The following SDHAF4 variants were observed in gnomAD, a reference collection of about 807,000 sequenced individuals.
SDHAF4 encodes succinate dehydrogenase assembly factor 4, mitochondrial.
Under a neutral mutation model 14.3 loss-of-function variants are expected in SDHAF4, and 14 were observed. That is an observed-to-expected ratio of 0.98 (90% CI 0.65 to 1.53). SDHAF4 has a LOEUF of 1.53. Among genes scored for constraint, SDHAF4 ranks in the 40% most tolerant of loss-of-function variants. SDHAF4 has a pLI of 0.00. For missense variants in SDHAF4, 141 were observed against 129.3 expected, an observed-to-expected ratio of 1.09 and a Z score of -0.44; for synonymous variants, 63 against 47.3, an observed-to-expected ratio of 1.33 and a Z score of -1.36.
chr6:70,571,711 G>C (rs903771650), intron 1 of SDHAF4, among the ~76,000 whole-genome samples: 5 of 152,132 alleles, frequency 3.3e-5, no homozygotes, highest in African/African-American at 9.7e-5. Flanking sequence ...TTTAAGATTG[G>C]AATTATTTGT....
chr6:70,582,579 C>T (rs144913313), intron 2 of SDHAF4, among the ~76,000 whole-genome samples: 227 of 152,256 alleles, frequency 1.5e-3, no homozygotes, highest in African/African-American at 5.0e-3. Flanking sequence ...TGCCTGATCT[C>T]ATATCCTCCT....
chr6:70,573,972 A>G (rs553745103), intron 1 of SDHAF4, among the ~76,000 whole-genome samples: 14 of 152,030 alleles, frequency 9.2e-5, no homozygotes, highest in African/African-American at 2.7e-4. Context: ...CACTGTGCCC[A>G]GCCTAAAAAA....
At chr6:70,598,411 C>A in the SDHAF4 span, among the ~76,000 whole-genome samples, 1 of 152,060 alleles carries the variant, frequency 6.6e-6, no homozygotes, top group Non-Finnish European at 1.5e-5. Flanking sequence ...AATAAAATAT[C>A]TTTTATTTGT....
chr6:70,579,874 A>G (rs1802299203), intron 2 of SDHAF4, among the ~76,000 whole-genome samples: 1 of 117,134 alleles, frequency 8.5e-6, no homozygotes, highest in South Asian at 2.7e-4. Context: ...TTTGTATCAA[A>G]GAAGGTTATG....
the SDHAF4 span, among the ~76,000 whole-genome samples, chr6:70,596,084 C>G: frequency 6.6e-6 from 1 of 152,088 alleles, no homozygotes. Context: ...GACATGAAAA[C>G]ACTTGTGGTC....
intron 1 of SDHAF4, among the ~76,000 whole-genome samples, chr6:70,570,532 A>G (rs1035297742): frequency 2.6e-5 from 4 of 152,084 alleles, no homozygotes; most frequent in Non-Finnish European, 5.9e-5. Flanking sequence ...CATGTTAGCC[A>G]AGTGATCCTT....
intron 2 of SDHAF4, among the ~76,000 whole-genome samples, chr6:70,585,831 T>TA (rs33997647): frequency 6.6e-6 from 1 of 151,828 alleles, no homozygotes; most frequent in African/African-American, 2.4e-5. Flanking sequence ...TTCTTTTGCC[T>TA]GAGGGGCTTT....
intron 1 of SDHAF4, among the ~76,000 whole-genome samples, chr6:70,568,704 G>A (rs1036575616): frequency 1.3e-5 from 2 of 152,066 alleles, no homozygotes; most frequent in Non-Finnish European, 1.5e-5. Flanking sequence ...TATGTTATAG[G>A]TCTTTTCATT....
At chr6:70,567,924 A>G (rs1802123565) in intron 1 of SDHAF4, among the ~76,000 whole-genome samples, 1 of 152,112 alleles carries the variant, frequency 6.6e-6, no homozygotes, top group African/African-American at 2.4e-5. Flanking sequence ...TGACCTTGTG[A>G]TCCGCTCGCC....
downstream of SDHAF4, among the ~76,000 whole-genome samples, chr6:70,589,781 A>G (rs1316105119): frequency 6.6e-6 from 1 of 152,132 alleles, no homozygotes; most frequent in Non-Finnish European, 1.5e-5. Flanking sequence ...CTGTGCTTCA[A>G]TATCCTTATG....
At chr6:70,579,127 G>GT (rs1344708731) in intron 1 of SDHAF4, among the ~76,000 whole-genome samples, 1 of 152,124 alleles carries the variant, frequency 6.6e-6, no homozygotes, top group African/African-American at 2.4e-5. Context: ...TGAACTCCTG[G>GT]TTTTTTGGCA....
intron 2 of SDHAF4, among the ~76,000 whole-genome samples, chr6:70,584,720 T>A (rs1765177442): frequency 6.6e-6 from 1 of 152,086 alleles, no homozygotes; most frequent in Non-Finnish European, 1.5e-5. Context: ...AGAAGAGTGC[T>A]CAAAAGAGTG....
Position 70,573,626 on chromosome 6 carries a change from C to CT in SDHAF4, c.65-5780dup, listed in dbSNP as rs772016078. On this transcript the variant is annotated intron_variant, in intron 1 of 2. Coordinates refer to ENST00000370474, the MANE Select transcript of SDHAF4 (RefSeq NM_145267.3). ...TTTCTGAATTTCCGTGTTTTTCTTTCTTTTTTTTGGCCTAATTTTTCTTTT... is the reference window on the plus strand; with the variant it reads ...TTTCTGAATTTCCGTGTTTTTCTTTCTTTTTTTTTGGCCTAATTTTTCTTTT... Among the ~76,000 whole-genome samples the CT allele has an allele frequency of 4.0e-4, 60 of 150,336 alleles. 1 individual carries two copies. Among genetic ancestry groups the CT allele is most frequent in the South Asian group, 2.8e-3 (13 of 4,700 alleles).
chr6:70,578,740 C>T (rs560288158), intron 1 of SDHAF4, among the ~76,000 whole-genome samples: 1 of 152,220 alleles, frequency 6.6e-6, no homozygotes, highest in South Asian at 2.1e-4. Context: ...TAATCCATCT[C>T]GAGTTAATTT....
At chr6:70,569,222 C>G (rs1353814505) in intron 1 of SDHAF4, among the ~76,000 whole-genome samples, 1 of 151,868 alleles carries the variant, frequency 6.6e-6, no homozygotes, top group Middle Eastern at 3.2e-3. Flanking sequence ...TCTCGGCCTC[C>G]CAAAGTGCTG....
intron 1 of SDHAF4, among the ~76,000 whole-genome samples, chr6:70,577,653 A>G (rs1251862796): frequency 1.3e-5 from 2 of 152,194 alleles, no homozygotes; most frequent in Admixed American, 1.3e-4. Flanking sequence ...GAATAATCCC[A>G]TCACCCAGGT....
the SDHAF4 span, among the ~76,000 whole-genome samples, chr6:70,597,364 G>T: frequency 4.1e-5 from 6 of 147,634 alleles, no homozygotes; most frequent in Non-Finnish European, 7.4e-5. Context: ...GGCCAGGCTG[G>T]TCTCAAATGT....
At chr6:70,586,275 G>A (rs770413501) in intron 2 of SDHAF4, among the ~76,000 whole-genome samples, 1 of 152,076 alleles carries the variant, frequency 6.6e-6, no homozygotes, top group Non-Finnish European at 1.5e-5. Context: ...GTTTGAACTG[G>A]AGCTCTCAGA....
intron 1 of SDHAF4, among the ~76,000 whole-genome samples, chr6:70,567,251 C>T (rs1040942482): frequency 1.4e-4 from 22 of 152,220 alleles, no homozygotes; most frequent in Non-Finnish European, 3.1e-4. Context: ...CGTCCGCTTC[C>T]TACCGAGCAC....
Sources: gnomAD v4.1 joint callset for allele counts (sites outside exome capture counted in the v4.1 genomes callset) on GRCh38, gnomAD v4.1.1 for gene constraint, MANE v1.5 for transcripts, NCBI Gene and HGNC (gene_info 2026-07-23, HGNC 2026-07-21) for gene names.